The following COL21A1 variants were observed in gnomAD, a reference collection of about 807,000 sequenced individuals.
The protein encoded by COL21A1 is collagen alpha-1(XXI) chain.
Under a neutral mutation model 137.9 loss-of-function variants are expected in COL21A1, and 149 were observed. The observed-to-expected ratio is 1.08, with a 90% CI of 0.95 to 1.24. The LOEUF is 1.24. Ranked by LOEUF, COL21A1 falls within the 50% of genes most tolerant of loss-of-function variation. The pLI, the probability that COL21A1 is intolerant of heterozygous loss-of-function variation, is 0.00. For synonymous variants in COL21A1, 456 were observed against 391.5 expected (o/e 1.16, Z -1.95); for missense variants, 1,167 against 1,158.4 (o/e 1.01, Z -0.11).
At chr6:56,129,699 T>TGTGAGAGAGA (rs1450514214) in intron 12 of COL21A1, among the ~76,000 whole-genome samples, 44 of 120,514 alleles carry the variant, frequency 3.7e-4, no homozygotes, top group Non-Finnish European at 4.9e-4. Context: ...TGTGTGTGTG[T>TGTGAGAGAGA]GAGAGAGAGA....
In COL21A1 at chr6:56,244,101, G is replaced by GA. The variant is rs555179321; in HGVS notation, c.-39+3285dup. On this transcript the variant is annotated intron_variant, in intron 1 of 29. Transcript: ENST00000244728. ...TCCACTATGGAACAAAGAGGGCCCT[G>GA]AAAATGAACCTAAATGAATGCCAGG... Among the ~76,000 whole-genome samples, 505 of 152,244 alleles carry GA rather than the reference G, an allele frequency of 3.3e-3. 2 individuals are homozygous for GA. The highest frequency in any genetic ancestry group is 0.012 in the African/African-American group (481 of 41,554).
At chr6:56,339,557 T>C (rs1562063528) in intron 1 of COL21A1, among the ~76,000 whole-genome samples, 1 of 87,002 alleles carries the variant, frequency 1.1e-5, no homozygotes, top group Non-Finnish European at 2.5e-5. Flanking sequence ...TATTACCAAA[T>C]CTTTGGTTTT....
chr6:56,061,010 G>A lies in COL21A1; in HGVS notation c.2233C>T (p.Arg745Ter), dbSNP rs777906725. The A allele has an allele frequency of 1.7e-4, 279 of 1,606,642 alleles. No individual in the cohort carries two copies. Among genetic ancestry groups the A allele is most frequent in the Non-Finnish European group, 2.2e-4 (254 of 1,177,428 alleles). ...ERGEKGEPGV[R>*]GAIGSKGESG... Reference sequence around the variant, plus strand: ...TCTCCTTTTGATCCAATGGCACCTCGGACACCAGGTTCTCCCTTTTCACCT... The same window carrying A: ...TCTCCTTTTGATCCAATGGCACCTCAGACACCAGGTTCTCCCTTTTCACCT... Residue 745 changes from arginine to a stop codon, truncating the protein, a stop_gained, in exon 26 of 30, where the codon CGA becomes TGA. Transcript: ENST00000244728. LOFTEE classifies it high-confidence loss of function.
chr6:56,384,012 A>G (rs1249669794), intron 1 of COL21A1, among the ~76,000 whole-genome samples: 1 of 152,164 alleles, frequency 6.6e-6, no homozygotes, highest in African/African-American at 2.4e-5. Context: ...AGATTAAACT[A>G]GGCACAATTC....
intron 23 of COL21A1, among the ~76,000 whole-genome samples, chr6:56,066,038 G>A (rs1017920773): frequency 8.6e-5 from 13 of 151,814 alleles, no homozygotes; most frequent in African/African-American, 2.7e-4. Context: ...AGTACGAAGC[G>A]GTTTATGGGG....
chr6:56,292,393 C>A (rs187789278), intron 1 of COL21A1, among the ~76,000 whole-genome samples: 3 of 125,426 alleles, frequency 2.4e-5, no homozygotes, highest in African/African-American at 8.2e-5. Flanking sequence ...AAACAGGGAC[C>A]CCCCCCCTCC....
At chr6:56,123,647 T>G (rs1772748194) in intron 16 of COL21A1, among the ~76,000 whole-genome samples, 1 of 152,180 alleles carries the variant, frequency 6.6e-6, no homozygotes, top group South Asian at 2.1e-4. Context: ...AGACAATGAA[T>G]TATTGACACT....
Position 56,266,039 on chromosome 6 carries a change from G to A in COL21A1, c.-38-83383C>T, listed in dbSNP as rs539403651. ...CCTCTGTCCCAGTGCTTTTAACGAGGCAATTTTACTCTGGGTAACCAGTAG... is the reference window on the plus strand; with the variant it reads ...CCTCTGTCCCAGTGCTTTTAACGAGACAATTTTACTCTGGGTAACCAGTAG... On this transcript the variant is annotated intron_variant, in intron 1 of 28. Coordinates refer to the COL21A1 transcript ENST00000370819. 2.0e-5 allele frequency among the ~76,000 whole-genome samples: 3 copies of A among 152,268 alleles called. No homozygotes were observed. The South Asian group carries it at 6.2e-4, about 32-fold the overall frequency.
At chr6:56,391,876 C>G (rs991850691) in intron 1 of COL21A1, among the ~76,000 whole-genome samples, 2 of 152,038 alleles carry the variant, frequency 1.3e-5, no homozygotes, top group African/African-American at 4.8e-5. Context: ...AAAAGTCTCC[C>G]AGCAAAGAAA....
chr6:56,093,202 G>T (rs1465664038), intron 17 of COL21A1, among the ~76,000 whole-genome samples: 1 of 151,740 alleles, frequency 6.6e-6, no homozygotes, highest in East Asian at 1.9e-4. Flanking sequence ...CTCGGGGAAG[G>T]GTAATTTTCA....
At chr6:56,270,141 G>C (rs1047774075) in intron 1 of COL21A1, among the ~76,000 whole-genome samples, 1 of 152,074 alleles carries the variant, frequency 6.6e-6, no homozygotes, top group African/African-American at 2.4e-5. Flanking sequence ...TAAATAAAAA[G>C]ACAAGACCCA....
At chr6:56,080,154 A>G (rs1231055320) in intron 17 of COL21A1, among the ~76,000 whole-genome samples, 1 of 151,814 alleles carries the variant, frequency 6.6e-6, no homozygotes, top group African/African-American at 2.4e-5. Context: ...GTTGATCGCA[A>G]AGTATTTAGT....
chr6:56,387,949 G>A (rs2094021394), intron 1 of COL21A1, among the ~76,000 whole-genome samples: 1 of 152,172 alleles, frequency 6.6e-6, no homozygotes, highest in Non-Finnish European at 1.5e-5. Flanking sequence ...GGAGGCCAAG[G>A]GAGTGCCTGC....
chr6:56,375,088 A>G (rs2093996734), intron 1 of COL21A1, among the ~76,000 whole-genome samples: 1 of 152,232 alleles, frequency 6.6e-6, no homozygotes, highest in African/African-American at 2.4e-5. Flanking sequence ...AGAGGCAGAA[A>G]GCCAGTTTGA....
At chr6:56,135,999 G>C (rs1016569867) in intron 12 of COL21A1, among the ~76,000 whole-genome samples, 21 of 151,936 alleles carry the variant, frequency 1.4e-4, no homozygotes, top group African/African-American at 5.1e-4. Context: ...CTCATATCCA[G>C]ATTCCTCTCC....
chr6:56,122,612 A>T, intron 16 of COL21A1, among the ~76,000 whole-genome samples: 1 of 152,204 alleles, frequency 6.6e-6, no homozygotes, highest in East Asian at 1.9e-4. Context: ...TAAATGGGTG[A>T]ATTTTATGGT....
At chr6:56,231,716 CTAATA>C (rs1165712269) in intron 1 of COL21A1, among the ~76,000 whole-genome samples, 3 of 151,774 alleles carry the variant, frequency 2.0e-5, no homozygotes, top group Non-Finnish European at 4.4e-5. Context: ...TCCACTAGAT[CTAATA>C]TGTTATGACT....
chr6:56,260,449 CTGT>C (rs1763223415), intron 1 of COL21A1, among the ~76,000 whole-genome samples: 1 of 151,564 alleles, frequency 6.6e-6, no homozygotes, highest in South Asian at 2.1e-4. Flanking sequence ...TGGCATGTAC[CTGT>C]AATCCCAGCT....
intron 16 of COL21A1, among the ~76,000 whole-genome samples, chr6:56,110,017 A>G (rs1771279878): frequency 6.6e-6 from 1 of 152,050 alleles, no homozygotes; most frequent in Non-Finnish European, 1.5e-5. Flanking sequence ...AAAGCTGGAC[A>G]AAAATATCAC....
Sources: allele counts gnomAD v4.1 joint callset (sites outside exome capture counted in the v4.1 genomes callset), GRCh38; gene constraint gnomAD v4.1.1; transcripts MANE v1.5; gene names NCBI Gene and HGNC (gene_info 2026-07-23, HGNC 2026-07-21).